MANEA: variants seen among roughly 807,000 people sequenced by gnomAD.
MANEA encodes the protein glycoprotein endo-alpha-1,2-mannosidase.
A neutral mutation model predicts 36.8 loss-of-function variants in MANEA; 25 were observed. The observed-to-expected ratio is 0.68, with a 90% CI of 0.50 to 0.95. MANEA has a LOEUF of 0.95. Ranked by LOEUF, MANEA falls within the 40% of genes least tolerant of loss-of-function variation. The pLI, the probability that MANEA is intolerant of heterozygous loss-of-function variation, is 0.00. For synonymous variants in MANEA, 198 were observed against 188.5 expected (o/e 1.05, Z -0.41); for missense variants, 565 against 558.8 (o/e 1.01, Z -0.11).
At chr6:95,592,482 T>C (rs949317490) in intron 2 of MANEA, among the ~76,000 whole-genome samples, 9 of 152,214 alleles carry the variant, frequency 5.9e-5, no homozygotes, top group African/African-American at 2.2e-4. Context: ...TTGTAAAATT[T>C]TGTTAAAAGT....
chr6:95,601,380 T>A (rs6915218), intron 3 of MANEA, among the ~76,000 whole-genome samples: 90,764 of 152,048 alleles, frequency 0.6, 27,513 homozygotes, highest in East Asian at 0.87. Context: ...TCCTGCCCTG[T>A]TGTTGTTGGG....
rs1472281775 is a variant in MANEA at position 95,592,319 on chromosome 6, G to A, written c.545-4418G>A. Among the ~76,000 whole-genome samples, 2 of 152,096 alleles carry A rather than the reference G, an allele frequency of 1.3e-5. 1 individual carries two copies. Among genetic ancestry groups the A allele is most frequent in the Non-Finnish European group, 2.9e-5 (2 of 68,010 alleles). ...GAAATTTGCCAGATCTTGTGTGTTA[G>A]CTACTTTGTCCATTAGATCCTTTAA... On this transcript the variant is annotated intron_variant, in intron 2 of 4. Transcript: ENST00000358812.
chr6:95,590,321 G>C (rs562993297), intron 2 of MANEA: 11 of 152,080 alleles, frequency 7.2e-5, no homozygotes, highest in Non-Finnish European at 1.3e-4. Context: ...AATATTTATT[G>C]ATTTTCCATG....
chr6:95,602,035 A>T (rs1051035035), intron 3 of MANEA, among the ~76,000 whole-genome samples: 12 of 152,122 alleles, frequency 7.9e-5, no homozygotes, highest in African/African-American at 2.4e-4. Context: ...TATATTAGTC[A>T]TGGCCTCTCC....
In MANEA at chr6:95,606,005, C is replaced by G; in HGVS notation, c.989C>G (p.Thr330Ser). 1 of 1,613,982 alleles carries G rather than the reference C, an allele frequency of 6.2e-7. No homozygotes were observed. The highest frequency in any genetic ancestry group is 8.5e-7 in the Non-Finnish European group (1 of 1,179,952). Residue 330 changes from threonine to serine, a missense_variant, in exon 5 of 5, where the codon ACT becomes AGT. By Grantham distance (58) the Thr-to-Ser change is moderately conservative. Transcript: ENST00000358812. ...IYTYFATNGF[T>S]YGSSHQNWAS... ...ACATATTTTGCCACAAATGGCTTTA[C>G]TTATGGCTCATCACATCAGAATTGG...
intron 4 of MANEA, 39 bp downstream of exon 4, chr6:95,604,942 C>T (rs760243155): frequency 2.8e-6 from 2 of 725,220 alleles, no homozygotes; most frequent in South Asian, 5.1e-5. Context: ...GTTATATTAT[C>T]CAGTGATAAT....
intron 2 of MANEA, 64 bp from the exon 3 acceptor site, chr6:95,596,673 C>G: frequency 1.1e-5 from 10 of 883,500 alleles, no homozygotes; most frequent in Non-Finnish European, 1.9e-5. Context: ...CTTACTGTGC[C>G]TTTTTAAGAA....
At chr6:95,580,724 CAAA>C (rs67844240) in intron 1 of MANEA, among the ~76,000 whole-genome samples, 4 of 59,798 alleles carry the variant, frequency 6.7e-5, no homozygotes, top group South Asian at 6.4e-4. Context: ...GACGCCGTCT[CAAA>C]AAAAAAAAAA....
chr6:95,606,655 C>T lies in MANEA; in HGVS notation c.*250C>T, dbSNP rs555950996. Reference sequence around the variant, plus strand: ...AATTTATTGCATTTCTGACTGAAATCAAAATTCTGATTTGATGGCAATTGA... The same window carrying T: ...AATTTATTGCATTTCTGACTGAAATTAAAATTCTGATTTGATGGCAATTGA... On this transcript the variant is annotated 3_prime_UTR_variant, in exon 5 of 5. Transcript: ENST00000358812. 1 of 216,412 alleles carries T rather than the reference C, an allele frequency of 4.6e-6. No homozygotes were observed. The highest frequency in any genetic ancestry group is 2.3e-5 in the African/African-American group (1 of 43,578). 13.4% of individuals were successfully genotyped at this position (216,412 alleles called of 1,614,324 possible). A position where few individuals can be genotyped will look rare whatever the true frequency, so the allele number is the denominator to read the frequency against.
Position 95,586,595 on chromosome 6 carries a change from T to A in MANEA, c.156T>A (p.Thr52=). ...TTCTTCCAGAACTTCATCAACGAAC[T>A]ATTCATTTGGGGAAAAATTTTGATT... The part of the protein sequence containing the change: ...LDLLPELHQR[T]IHLGKNFDFQ... Residue 52 remains threonine (T), a synonymous_variant, in exon 2 of 5, where the codon ACT becomes ACA. Transcript: ENST00000358812. 1 of 1,614,082 alleles carries A rather than the reference T, an allele frequency of 6.2e-7. No individual in the cohort carries two copies. Among genetic ancestry groups the A allele is most frequent in the South Asian group, 1.1e-5 (1 of 91,074 alleles).
intron 3 of MANEA, among the ~76,000 whole-genome samples, chr6:95,600,952 G>A (rs924582449): frequency 6.6e-6 from 1 of 152,102 alleles, no homozygotes; most frequent in Non-Finnish European, 1.5e-5. Flanking sequence ...GTTATTTTAA[G>A]TAAGTGCCTT....
rs535096385 is a variant in MANEA at position 95,587,097 on chromosome 6, C to T, written c.544+114C>T. ...CATTATTATTAATTATATTGTTAAGCTCATACCTCCAAATTAAACTGTATG... is the reference window on the plus strand; with the variant it reads ...CATTATTATTAATTATATTGTTAAGTTCATACCTCCAAATTAAACTGTATG... On this transcript the variant is annotated intron_variant, in intron 2 of 4. Coordinates refer to ENST00000358812, the MANE Select transcript of MANEA (RefSeq NM_024641.4). The T allele has an allele frequency of 5.6e-5, 38 of 674,888 alleles. No individual in the cohort carries two copies. The African/African-American group carries it at 6.2e-4, about 11-fold the overall frequency. The allele number at this position is 674,888 out of a possible 1,614,324, so 41.8% of individuals were successfully genotyped here. A position where few individuals can be genotyped will look rare whatever the true frequency, so the allele number is the denominator to read the frequency against.
At position 95,608,053 on chromosome 6, in the gene MANEA, T is replaced by C. The variant is rs1394637140; in HGVS notation, c.*1648T>C. 6.6e-6 allele frequency: 1 copy of C among 151,756 alleles called. No individual in the cohort carries two copies. The highest frequency in any genetic ancestry group is 2.4e-5 in the African/African-American group (1 of 41,400). 9.4% of individuals were successfully genotyped at this position (151,756 alleles called of 1,614,324 possible). On this transcript the variant is annotated 3_prime_UTR_variant, in exon 5 of 5. Coordinates refer to ENST00000358812, the MANE Select transcript of MANEA (RefSeq NM_024641.4). ...CATTTCTCAGAGAATGATCAGGCCTTAGGAAATTAATACAGTAGTAGTAAT... is the reference window on the plus strand; with the variant it reads ...CATTTCTCAGAGAATGATCAGGCCTCAGGAAATTAATACAGTAGTAGTAAT...
chr6:95,599,943 A>G (rs977264146), intron 3 of MANEA, among the ~76,000 whole-genome samples: 7 of 152,170 alleles, frequency 4.6e-5, no homozygotes, highest in Non-Finnish European at 7.3e-5. Context: ...AGGTTGGGTA[A>G]GTGATTGATT....
At chr6:95,594,242 T>C (rs1769445022) in intron 2 of MANEA, among the ~76,000 whole-genome samples, 1 of 152,196 alleles carries the variant, frequency 6.6e-6, no homozygotes, top group Non-Finnish European at 1.5e-5. Flanking sequence ...ACTTAAAATA[T>C]ATCCTGAAAG....
intron 2 of MANEA, among the ~76,000 whole-genome samples, chr6:95,593,150 T>C (rs1024811581): frequency 6.6e-6 from 1 of 152,184 alleles, no homozygotes; most frequent in African/African-American, 2.4e-5. Context: ...TATAGACACT[T>C]CTCTGGTTAC....
intron 3 of MANEA, among the ~76,000 whole-genome samples, chr6:95,603,797 G>GA (rs1268570996): frequency 1.3e-5 from 2 of 152,054 alleles, no homozygotes; most frequent in Non-Finnish European, 1.5e-5. Flanking sequence ...GAATAAAAGT[G>GA]AAAATCCTCA....
chr6:95,581,273 T>A (rs906925014), intron 1 of MANEA, among the ~76,000 whole-genome samples: 2 of 152,160 alleles, frequency 1.3e-5, no homozygotes, highest in African/African-American at 4.8e-5. Context: ...CAGCAGATCA[T>A]CTCTTAAAAT....
At position 95,605,857 on chromosome 6, in the gene MANEA, C is replaced by A; in HGVS notation, c.841C>A (p.Leu281Met). The A allele has an allele frequency of 6.2e-7, 1 of 1,613,982 alleles. No homozygotes were observed. The highest frequency in any genetic ancestry group is 8.5e-7 in the Non-Finnish European group (1 of 1,179,950). The stretch of plus-strand genomic sequence containing the variant: ...TACCAAGCCTGAAAAATGGGCCAAT[C>A]TGTTAACCACCTCAGGGTCTCGGAG... ...YITKPEKWAN[L>M]LTTSGSRSIR... is the part of the protein sequence containing the mutation. The change falls in exon 5 of 5, where the codon CTG (leucine) becomes ATG (methionine). Residue 281 changes from leucine (L) to methionine (M), a missense_variant. Coordinates refer to ENST00000358812, the MANE Select transcript of MANEA (RefSeq NM_024641.4).
Sources: allele counts gnomAD v4.1 joint callset (sites outside exome capture counted in the v4.1 genomes callset), GRCh38; gene constraint gnomAD v4.1.1; transcripts MANE v1.5; gene names NCBI Gene and HGNC (gene_info 2026-07-23, HGNC 2026-07-21).